The following CHODL variants were observed in gnomAD, a reference collection of about 807,000 sequenced individuals.
CHODL encodes the protein transmembrane protein MT75.
In CHODL, 29 loss-of-function variants were observed where a neutral mutation model predicts 34.5. That is an observed-to-expected ratio of 0.84 (90% CI 0.63 to 1.15). The LOEUF is 1.15. CHODL is among the 50% of genes most tolerant of loss of function. CHODL has a pLI of 0.00. For synonymous variants in CHODL, 125 were observed against 116.1 expected (o/e 1.08, Z -0.49); for missense variants, 332 against 332.5 (o/e 1.00, Z 0.01).
chr21:18,219,374 C>T (rs2073861053), intron 2 of CHODL, among the ~76,000 whole-genome samples: 1 of 152,120 alleles, frequency 6.6e-6, no homozygotes, highest in African/African-American at 2.4e-5. Context: ...AGAACAGCAA[C>T]ATGGGGGTAA....
chr21:17,954,627 C>T (rs1179582074), intron 1 of CHODL, among the ~76,000 whole-genome samples: 1 of 134,942 alleles, frequency 7.4e-6, no homozygotes, highest in Non-Finnish European at 1.7e-5. Context: ...TGCAGCTGGT[C>T]CTCAGGCCTT....
intron 1 of CHODL, among the ~76,000 whole-genome samples, chr21:17,975,783 T>C (rs2063657281): frequency 6.6e-6 from 1 of 152,086 alleles, no homozygotes; most frequent in Non-Finnish European, 1.5e-5. Flanking sequence ...CCCTGCCCAC[T>C]CTGCAACATC....
intron 1 of CHODL, among the ~76,000 whole-genome samples, chr21:17,962,606 C>G (rs1175577169): frequency 6.6e-6 from 1 of 152,088 alleles, no homozygotes; most frequent in Non-Finnish European, 1.5e-5. Flanking sequence ...TATTTTATTA[C>G]CAGATGTGAC....
intron 2 of CHODL, among the ~76,000 whole-genome samples, chr21:18,166,238 C>A (rs929842290): frequency 2.0e-5 from 3 of 152,116 alleles, no homozygotes; most frequent in Non-Finnish European, 2.9e-5. Context: ...CCACATGTGC[C>A]CCACAAGCTC....
At chr21:17,951,155 A>T (rs2063454573) in intron 1 of CHODL, among the ~76,000 whole-genome samples, 2 of 149,198 alleles carry the variant, frequency 1.3e-5, no homozygotes, top group Non-Finnish European at 3.0e-5. Flanking sequence ...TCAATGGTTA[A>T]GTTGTTTAGT....
chr21:17,983,021 A>G (rs1296558292), intron 1 of CHODL, among the ~76,000 whole-genome samples: 3 of 151,986 alleles, frequency 2.0e-5, no homozygotes, highest in Non-Finnish European at 4.4e-5. Context: ...CACCGCATTC[A>G]TCGCCTACAT....
chr21:18,025,779 C>T (rs923373267), intron 1 of CHODL, among the ~76,000 whole-genome samples: 5 of 152,046 alleles, frequency 3.3e-5, no homozygotes, highest in African/African-American at 4.8e-5. Context: ...AACTCTTTGA[C>T]TCGAATATGG....
chr21:17,990,409 C>T (rs1051340713), intron 1 of CHODL, among the ~76,000 whole-genome samples: 16 of 152,032 alleles, frequency 1.1e-4, no homozygotes, highest in Admixed American at 3.9e-4. Context: ...TCAATTCTGC[C>T]ATATAAATCT....
At chr21:17,926,699 C>T (rs899091760) in intron 1 of CHODL, among the ~76,000 whole-genome samples, 4 of 152,062 alleles carry the variant, frequency 2.6e-5, no homozygotes, top group Admixed American at 2.0e-4. Context: ...CACCTGGTCC[C>T]GCCCTTGACA....
At chr21:17,983,760 T>A (rs2063731896) in intron 1 of CHODL, among the ~76,000 whole-genome samples, 1 of 152,176 alleles carries the variant, frequency 6.6e-6, no homozygotes, top group Non-Finnish European at 1.5e-5. Context: ...GAGGTATAAT[T>A]GATATAATAA....
intron 2 of CHODL, among the ~76,000 whole-genome samples, chr21:18,154,157 G>A (rs936607917): frequency 2.6e-5 from 4 of 152,152 alleles, no homozygotes; most frequent in Non-Finnish European, 5.9e-5. Context: ...TTCGGTATAG[G>A]AAATATGTAT....
At chr21:18,172,671 TATC>T (rs1204855243) in intron 2 of CHODL, among the ~76,000 whole-genome samples, 1 of 152,188 alleles carries the variant, frequency 6.6e-6, no homozygotes, top group Non-Finnish European at 1.5e-5. Context: ...CTAGTGTTCT[TATC>T]ATTTTTACAG....
intron 2 of CHODL, among the ~76,000 whole-genome samples, chr21:18,057,285 C>T (rs1035734568): frequency 5.9e-5 from 9 of 151,974 alleles, no homozygotes; most frequent in Admixed American, 4.6e-4. Context: ...TTTAATCTCT[C>T]TCTCCCTCCT....
intron 2 of CHODL, among the ~76,000 whole-genome samples, chr21:18,228,268 T>TA (rs1380635649): frequency 6.6e-6 from 1 of 152,176 alleles, no homozygotes; most frequent in East Asian, 1.9e-4. Context: ...AGCAGAGTGA[T>TA]AGAGAGTTTC....
chr21:18,024,244 T>C (rs1329593684), intron 1 of CHODL, among the ~76,000 whole-genome samples: 2 of 152,200 alleles, frequency 1.3e-5, no homozygotes, highest in Non-Finnish European at 2.9e-5. Flanking sequence ...ACCATGATAA[T>C]AAAGACGAGG....
chr21:18,191,256 T>G (rs1179026339), intron 2 of CHODL, among the ~76,000 whole-genome samples: 2 of 152,162 alleles, frequency 1.3e-5, no homozygotes, highest in Non-Finnish European at 2.9e-5. Context: ...TAGCAATTTG[T>G]TATCTTAGCA....
chr21:18,030,630 G>T (rs995100189), intron 2 of CHODL, among the ~76,000 whole-genome samples: 3 of 152,094 alleles, frequency 2.0e-5, no homozygotes, highest in African/African-American at 7.2e-5. Context: ...GGTTTCTGTT[G>T]GTTGCAATGA....
intron 2 of CHODL, among the ~76,000 whole-genome samples, chr21:18,170,197 A>G (rs530505436): frequency 2.0e-5 from 3 of 151,970 alleles, no homozygotes; most frequent in Non-Finnish European, 4.4e-5. Flanking sequence ...TCTAGAAATA[A>G]GTTTTTGTTT....
intron 2 of CHODL, among the ~76,000 whole-genome samples, chr21:18,146,198 C>T (rs1040726638): frequency 6.6e-6 from 1 of 150,616 alleles, no homozygotes; most frequent in African/African-American, 2.5e-5. Context: ...AGGATGGTCT[C>T]AATCTCCTGA....
Sources: allele counts gnomAD v4.1 joint callset (sites outside exome capture counted in the v4.1 genomes callset), GRCh38; gene constraint gnomAD v4.1.1; transcripts MANE v1.5; gene names NCBI Gene and HGNC (gene_info 2026-07-23, HGNC 2026-07-21).